PCDH7: variants seen among roughly 807,000 people sequenced by gnomAD.
PCDH7 encodes protocadherin 7.
PCDH7 carries 17 observed loss-of-function variants against 58.9 expected under a neutral mutation model. That is an observed-to-expected ratio of 0.29 (90% CI 0.20 to 0.43). The LOEUF is 0.43. Among genes scored for constraint, PCDH7 ranks in the 20% least tolerant of loss-of-function variants. The pLI, the probability that PCDH7 is intolerant of heterozygous loss-of-function variation, is 1.00. For synonymous variants in PCDH7, 664 were observed against 616.4 expected, an observed-to-expected ratio of 1.08 and a Z score of -1.14; for missense variants, 1,274 against 1,441.0, an observed-to-expected ratio of 0.88 and a Z score of 1.88.
intron 2 of PCDH7, among the ~76,000 whole-genome samples, chr4:30,924,816 T>TG (rs1491535197): frequency 1.2e-5 from 1 of 80,780 alleles, no homozygotes; most frequent in African/African-American, 4.7e-5. Context: ...AGAGTACAAA[T>TG]GAAAAAAAAA....
In PCDH7 at chr4:30,723,965, C is replaced by T. The variant is rs376534155; in HGVS notation, c.2543C>T (p.Ala848Val). 1.7e-5 allele frequency: 27 copies of T among 1,614,048 alleles called. No individual in the cohort carries two copies. Among genetic ancestry groups the T allele is most frequent in the East Asian group, 4.5e-5 (2 of 44,898 alleles). Residue 848 changes from alanine (A) to valine (V), a missense_variant, in exon 1 of 2, where the codon GCG becomes GTG. Around this residue, in one of 3 missense-constraint regions of PCDH7, gnomAD observed 731 missense variants for 881.9 expected, o/e 0.83. Coordinates refer to ENST00000361762, the Ensembl canonical transcript of PCDH7. This position sits in a 1 kb window ranked among gnomAD's most constrained non-coding sequence, Gnocchi z 4.6. Reference sequence around the variant, plus strand: ...AATGAAAGTGTTTCTAATGCAACTGCGATTGACTCCCAGATAGCTAGAAGT... The same window carrying T: ...AATGAAAGTGTTTCTAATGCAACTGTGATTGACTCCCAGATAGCTAGAAGT...
intron 1 of PCDH7, among the ~76,000 whole-genome samples, chr4:30,751,235 C>A (rs1488382211): frequency 4.6e-5 from 7 of 152,116 alleles, no homozygotes; most frequent in Admixed American, 1.3e-4. Flanking sequence ...AAATTAAAAT[C>A]TTTCAAAGTA....
intron 3 of PCDH7, among the ~76,000 whole-genome samples, chr4:31,070,762 C>G (rs1412676125): frequency 6.6e-6 from 1 of 152,128 alleles, no homozygotes; most frequent in Non-Finnish European, 1.5e-5. Context: ...CAAAAGAATA[C>G]ATTATCAGAA....
At chr4:30,838,421 G>C (rs987482624) in intron 1 of PCDH7, among the ~76,000 whole-genome samples, 1 of 151,920 alleles carries the variant, frequency 6.6e-6, no homozygotes, top group Non-Finnish European at 1.5e-5. Flanking sequence ...CATTCAGAAG[G>C]GGCTGTAATC....
chr4:30,822,044 G>A (rs1026034633), intron 1 of PCDH7, among the ~76,000 whole-genome samples: 3 of 152,030 alleles, frequency 2.0e-5, no homozygotes, highest in African/African-American at 7.2e-5. Flanking sequence ...GACCACAAAC[G>A]ATCGGTATCT....
chr4:30,897,796 G>A (rs1426084366), intron 1 of PCDH7, among the ~76,000 whole-genome samples: 1 of 152,104 alleles, frequency 6.6e-6, no homozygotes, highest in African/African-American at 2.4e-5. Flanking sequence ...GTACTTTTTT[G>A]TAGTGATATC....
intron 2 of PCDH7, among the ~76,000 whole-genome samples, chr4:30,940,059 C>T (rs773491617): frequency 6.6e-6 from 1 of 150,844 alleles, no homozygotes; most frequent in Non-Finnish European, 1.5e-5. Flanking sequence ...TCAATGATTA[C>T]CCCAGATTGA....
chr4:30,976,240 A>G (rs1249428764), intron 3 of PCDH7, among the ~76,000 whole-genome samples: 1 of 151,380 alleles, frequency 6.6e-6, no homozygotes, highest in Non-Finnish European at 1.5e-5. Context: ...CACTAACTCC[A>G]CCCACCACAC....
At chr4:31,054,817 G>A (rs1258131121) in intron 3 of PCDH7, among the ~76,000 whole-genome samples, 7 of 152,030 alleles carry the variant, frequency 4.6e-5, no homozygotes, top group Admixed American at 6.6e-5. Flanking sequence ...TAAGTTGTCT[G>A]CAGGTTTATT....
intron 3 of PCDH7, among the ~76,000 whole-genome samples, chr4:31,137,137 G>A (rs892328131): frequency 6.6e-6 from 1 of 152,120 alleles, no homozygotes; most frequent in Non-Finnish European, 1.5e-5. Context: ...AATTTCACTA[G>A]CATTTAAGTG....
chr4:30,927,255 T>C (rs897335676), intron 2 of PCDH7, among the ~76,000 whole-genome samples: 6 of 152,200 alleles, frequency 3.9e-5, no homozygotes, highest in Admixed American at 6.5e-5. Flanking sequence ...AGATTACATA[T>C]AATTCTATTC....
At chr4:31,072,828 G>A (rs1409108043) in intron 3 of PCDH7, among the ~76,000 whole-genome samples, 3 of 152,142 alleles carry the variant, frequency 2.0e-5, no homozygotes, top group South Asian at 2.1e-4. Context: ...ATCAATGGGT[G>A]AGTGTAACAC....
At chr4:30,942,355 G>A (rs76680724) in intron 2 of PCDH7, among the ~76,000 whole-genome samples, 6,048 of 151,900 alleles carry the variant, frequency 0.04, 408 homozygotes, top group African/African-American at 0.14. Context: ...TTCAATTTGC[G>A]AATCCTAAAT....
chr4:30,954,564 C>A (rs1747664411), intron 3 of PCDH7, among the ~76,000 whole-genome samples: 1 of 152,108 alleles, frequency 6.6e-6, no homozygotes, highest in Admixed American at 6.5e-5. Flanking sequence ...CAACAGGGAA[C>A]ATGTATCTGC....
At chr4:31,008,912 T>C (rs1461773664) in intron 3 of PCDH7, among the ~76,000 whole-genome samples, 6 of 152,122 alleles carry the variant, frequency 3.9e-5, no homozygotes, top group African/African-American at 1.4e-4. Flanking sequence ...TGCAGAGTTA[T>C]GTAATTTTAG....
chr4:30,914,255 T>C (rs1329442817), intron 1 of PCDH7, among the ~76,000 whole-genome samples: 1 of 152,212 alleles, frequency 6.6e-6, no homozygotes, highest in African/African-American at 2.4e-5. Context: ...AGAGGGAGAA[T>C]GATGGTACGT....
At chr4:30,731,803 C>G (rs1246103590) in exon 2 of PCDH7, 1 of 152,056 alleles carries the variant, frequency 6.6e-6, no homozygotes, top group East Asian at 1.9e-4. Flanking sequence ...GATGGCCCCT[C>G]TACCTCTTTA....
At chr4:30,968,315 T>TATATACAC (rs1553920862) in intron 3 of PCDH7, among the ~76,000 whole-genome samples, 1 of 43,902 alleles carries the variant, frequency 2.3e-5, no homozygotes, top group African/African-American at 1.3e-4. Flanking sequence ...TATATATATA[T>TATATACAC]ACACTATATA....
Position 30,723,203 on chromosome 4 carries a change from A to C in PCDH7, c.1781A>C (p.Asn594Thr). 1 of 1,614,222 alleles carries C rather than the reference A, an allele frequency of 6.2e-7. No homozygotes were observed. The highest frequency in any genetic ancestry group is 8.5e-7 in the Non-Finnish European group (1 of 1,180,052). ...CCCGATTCTGGGGACATCCTGGTCA[A>C]TACCGTGCTGGACCGCGAGCAGACT... The change falls in exon 1 of 2, where the codon AAT (asparagine) becomes ACT (threonine). Residue 594 changes from asparagine (N) to threonine (T), a missense_variant. Physicochemically the swap from Asn to Thr is moderately conservative, Grantham distance 65 (BLOSUM62 0). Transcript: ENST00000361762. This position sits in a 1 kb window ranked among gnomAD's most constrained non-coding sequence, Gnocchi z 4.6.
Sources: gnomAD v4.1 joint callset for allele counts (sites outside exome capture counted in the v4.1 genomes callset) on GRCh38, gnomAD v4.1.1 for gene constraint, gnomAD v4.1.1 regional missense constraint, Gnocchi (gnomAD v3.1) non-coding constraint, MANE v1.5 for transcripts, NCBI Gene and HGNC (gene_info 2026-07-23, HGNC 2026-07-21) for gene names.